NKAIN3: variants seen among roughly 807,000 people sequenced by gnomAD.
The protein encoded by NKAIN3 is sodium/potassium-transporting ATPase subunit beta-1-interacting protein 3.
Under a neutral mutation model 30.2 loss-of-function variants are expected in NKAIN3, and 25 were observed. The observed-to-expected ratio is 0.83, with a 90% CI of 0.60 to 1.16. The LOEUF is 1.16. NKAIN3 is among the 50% of genes most tolerant of loss of function. The pLI is 0.00. For missense variants in NKAIN3, 225 were observed against 254.1 expected, an observed-to-expected ratio of 0.89 and a Z score of 0.78; for synonymous variants, 91 against 89.6, an observed-to-expected ratio of 1.02 and a Z score of -0.09.
chr8:62,949,072 C>T (rs1024397397), intron 5 of NKAIN3, among the ~76,000 whole-genome samples: 6 of 152,192 alleles, frequency 3.9e-5, no homozygotes, highest in African/African-American at 1.2e-4. Context: ...TGACTCTCCC[C>T]ATAGCCCCTG....
intron 1 of NKAIN3, among the ~76,000 whole-genome samples, chr8:62,423,709 T>A (rs1429900828): frequency 6.6e-6 from 1 of 152,016 alleles, no homozygotes; most frequent in East Asian, 1.9e-4. Context: ...TTCTCCTGAA[T>A]CTACTTCAAT....
At chr8:62,623,099 T>A (rs919622620) in intron 3 of NKAIN3, among the ~76,000 whole-genome samples, 1 of 151,928 alleles carries the variant, frequency 6.6e-6, no homozygotes, top group Non-Finnish European at 1.5e-5. Context: ...ATATATTGAG[T>A]GAAAATAAAC....
chr8:62,579,456 A>C (rs1172252304), intron 1 of NKAIN3, 83 bp from the exon 2 acceptor site: 1 of 1,045,344 alleles, frequency 9.6e-7, no homozygotes, highest in Admixed American at 2.7e-5. Context: ...GAATATGCAG[A>C]CTCCTCCAGC....
intron 4 of NKAIN3, among the ~76,000 whole-genome samples, chr8:62,828,794 G>C (rs1552053): frequency 0.71 from 108,503 of 151,958 alleles, 39,468 homozygotes; most frequent in Non-Finnish European, 0.8. Flanking sequence ...GAAAGGCCAA[G>C]CAAGCAGCTC....
rs184490888 is a variant in NKAIN3, at chr8:62,806,663, G to A, written c.471+59534G>A. On this transcript the variant is annotated intron_variant, in intron 4 of 6. Coordinates refer to ENST00000623646, the MANE Select transcript of NKAIN3 (RefSeq NM_001304533.3). ...ACTCTGGGTACTGTTGTGGGGTCGC[G>A]GGAGTGGGGAGGGATAGCATTAGGA... Among the ~76,000 whole-genome samples the A allele has an allele frequency of 2.8e-3, 431 of 152,004 alleles. 3 individuals carry two copies. Among genetic ancestry groups the A allele is most frequent in the African/African-American group, 1.0e-2 (414 of 41,456 alleles).
At chr8:62,904,853 T>A (rs541950412) in intron 4 of NKAIN3, among the ~76,000 whole-genome samples, 6 of 152,326 alleles carry the variant, frequency 3.9e-5, no homozygotes, top group Admixed American at 2.6e-4. Context: ...TAAATAAGTA[T>A]AATCACCATG....
At chr8:62,901,540 T>C (rs1180055146) in intron 4 of NKAIN3, among the ~76,000 whole-genome samples, 1 of 152,178 alleles carries the variant, frequency 6.6e-6, no homozygotes, top group Non-Finnish European at 1.5e-5. Flanking sequence ...TACAGCATCA[T>C]CAGCCTAATT....
chr8:62,364,811 A>G (rs1816681251), intron 1 of NKAIN3, among the ~76,000 whole-genome samples: 1 of 121,250 alleles, frequency 8.2e-6, no homozygotes, highest in African/African-American at 3.3e-5. Flanking sequence ...CCTGTGTGAC[A>G]GAGCGAGACT....
intron 1 of NKAIN3, among the ~76,000 whole-genome samples, chr8:62,428,397 T>C (rs1390352031): frequency 2.0e-5 from 3 of 152,012 alleles, no homozygotes; most frequent in Non-Finnish European, 4.4e-5. Flanking sequence ...GTTCTACTTT[T>C]AGTTTTTTGA....
chr8:62,857,010 C>T (rs2130782554), intron 4 of NKAIN3: 1 of 520,976 alleles, frequency 1.9e-6, no homozygotes. Flanking sequence ...TCTCCACTTG[C>T]TTCAAGGTTC....
intron 3 of NKAIN3, among the ~76,000 whole-genome samples, chr8:62,703,918 C>T (rs1037017751): frequency 6.6e-6 from 1 of 152,066 alleles, no homozygotes; most frequent in Non-Finnish European, 1.5e-5. Flanking sequence ...GTTACCCTAC[C>T]CTGAAGCTTG....
At chr8:62,681,883 T>C (rs867016143) in intron 3 of NKAIN3, among the ~76,000 whole-genome samples, 7 of 152,204 alleles carry the variant, frequency 4.6e-5, no homozygotes, top group Admixed American at 6.5e-5. Context: ...AGGCTGCCTT[T>C]GAAGCATCTG....
At chr8:62,516,018 T>C (rs1436678611) in intron 1 of NKAIN3, among the ~76,000 whole-genome samples, 1 of 152,100 alleles carries the variant, frequency 6.6e-6, no homozygotes, top group Non-Finnish European at 1.5e-5. Flanking sequence ...TTGTCTAAGG[T>C]ATTCTCTGTT....
intron 3 of NKAIN3, among the ~76,000 whole-genome samples, chr8:62,641,311 TAAAG>T (rs1812302168): frequency 1.3e-5 from 2 of 152,160 alleles, no homozygotes; most frequent in Admixed American, 1.3e-4. Context: ...TGTTCATAAA[TAAAG>T]ACACACTCTA....
intron 3 of NKAIN3, among the ~76,000 whole-genome samples, chr8:62,705,981 G>C (rs1814507419): frequency 6.6e-6 from 1 of 152,132 alleles, no homozygotes; most frequent in Non-Finnish European, 1.5e-5. Flanking sequence ...AAGCCTGATT[G>C]CTCCTGATAA....
intron 1 of NKAIN3, among the ~76,000 whole-genome samples, chr8:62,437,826 G>A (rs565746219): frequency 3.9e-5 from 6 of 152,310 alleles, no homozygotes; most frequent in African/African-American, 1.4e-4. Flanking sequence ...AAGAGAATTT[G>A]TGATAGCTTG....
At chr8:62,506,912 C>A (rs868561400) in intron 1 of NKAIN3, among the ~76,000 whole-genome samples, 1 of 152,126 alleles carries the variant, frequency 6.6e-6, no homozygotes, top group South Asian at 2.1e-4. Flanking sequence ...TTCTCGACAC[C>A]TGATGTAGAA....
At chr8:62,279,189 T>A (rs2129395709) in intron 1 of NKAIN3, among the ~76,000 whole-genome samples, 1 of 152,354 alleles carries the variant, frequency 6.6e-6, no homozygotes, top group Admixed American at 6.5e-5. Context: ...TTGAGAAGTG[T>A]CTGTTCATAT....
intron 4 of NKAIN3, among the ~76,000 whole-genome samples, chr8:62,910,785 C>G (rs549063726): frequency 1.3e-5 from 2 of 151,264 alleles, no homozygotes; most frequent in African/African-American, 2.4e-5. Flanking sequence ...AATTGGTCTC[C>G]TGTTGGATTT....
Sources: gnomAD v4.1 joint callset for allele counts (sites outside exome capture counted in the v4.1 genomes callset) on GRCh38, gnomAD v4.1.1 for gene constraint, MANE v1.5 for transcripts, NCBI Gene and HGNC (gene_info 2026-07-23, HGNC 2026-07-21) for gene names.